The following CCDC7 variants were observed in gnomAD, a reference collection of about 807,000 sequenced individuals.
CCDC7 encodes the protein coiled-coil domain-containing protein 7.
In CCDC7, 183 loss-of-function variants were observed where a neutral mutation model predicts 196.9. That is an observed-to-expected ratio of 0.93 (90% CI 0.82 to 1.05). The LOEUF is 1.05. CCDC7 is among the 50% of genes least tolerant of loss of function. The pLI, the probability that CCDC7 is intolerant of heterozygous loss-of-function variation, is 0.00. For synonymous variants in CCDC7, 525 were observed against 484.6 expected, an observed-to-expected ratio of 1.08 and a Z score of -1.10; for missense variants, 1,540 against 1,482.2, an observed-to-expected ratio of 1.04 and a Z score of -0.64.
At chr10:32,599,823 G>A (rs2060809054) in intron 18 of CCDC7, among the ~76,000 whole-genome samples, 1 of 152,024 alleles carries the variant, frequency 6.6e-6, no homozygotes, top group South Asian at 2.1e-4. Flanking sequence ...CTTTCTTTTT[G>A]TATATGGTAA....
chr10:32,736,479 C>T (rs996103396), intron 28 of CCDC7, among the ~76,000 whole-genome samples: 3 of 151,874 alleles, frequency 2.0e-5, no homozygotes, highest in African/African-American at 4.8e-5. Context: ...CATGCTGGTG[C>T]GCTGCCCCCA....
intron 18 of CCDC7, among the ~76,000 whole-genome samples, chr10:32,632,463 T>C (rs965687287): frequency 6.6e-6 from 1 of 151,414 alleles, no homozygotes; most frequent in South Asian, 2.1e-4. Context: ...CTTTTATTTA[T>C]ATAAATAAAT....
chr10:32,518,527 G>C, intron 11 of CCDC7, 22 bp downstream of exon 12: 1 of 1,592,520 alleles, frequency 6.3e-7, no homozygotes, highest in Non-Finnish European at 8.6e-7. Context: ...TTTAGTGTTT[G>C]AAAATGGCAT....
At chr10:32,601,035 C>G (rs958768615) in intron 18 of CCDC7, among the ~76,000 whole-genome samples, 1 of 152,162 alleles carries the variant, frequency 6.6e-6, no homozygotes, top group Non-Finnish European at 1.5e-5. Flanking sequence ...GATCATCCCA[C>G]TGCCTCTGGC....
At chr10:32,814,489 G>T (rs1471657095) in intron 31 of CCDC7, 36 bp downstream of exon 32, 3 of 1,457,890 alleles carry the variant, frequency 2.1e-6, no homozygotes, top group East Asian at 4.5e-5. Flanking sequence ...AGTATTTCTG[G>T]TTAGTTTATA....
intron 11 of CCDC7, among the ~76,000 whole-genome samples, chr10:32,528,452 G>C (rs1457045051): frequency 6.8e-6 from 1 of 146,828 alleles, no homozygotes; most frequent in African/African-American, 2.5e-5. Context: ...TTATTCTTAT[G>C]CCTTTGCATC....
intron 25 of CCDC7, among the ~76,000 whole-genome samples, chr10:32,723,390 G>A (rs11595230): frequency 0.084 from 12,798 of 152,130 alleles, 574 homozygotes; most frequent in East Asian, 0.16. Flanking sequence ...GTTTAATTGA[G>A]TTCAGTAACC....
intron 11 of CCDC7, among the ~76,000 whole-genome samples, chr10:32,539,961 G>A (rs974937376): frequency 3.3e-5 from 5 of 152,034 alleles, no homozygotes; most frequent in South Asian, 2.1e-4. Flanking sequence ...GTGCTATGTC[G>A]TGATGAGAAG....
chr10:32,870,352 T>C (rs1484795200), intron 41 of CCDC7, among the ~76,000 whole-genome samples: 1 of 152,170 alleles, frequency 6.6e-6, no homozygotes, highest in African/African-American at 2.4e-5. Flanking sequence ...TTTATTCTCT[T>C]TGAAGCAATT....
intron 29 of CCDC7, among the ~76,000 whole-genome samples, chr10:32,791,124 C>G (rs1279490142): frequency 6.6e-6 from 1 of 152,166 alleles, no homozygotes; most frequent in African/African-American, 2.4e-5. Context: ...CCACAGTCAT[C>G]ATTGACATGG....
In CCDC7 at chr10:32,461,750, T is replaced by TAC. The variant is rs1554840788; in HGVS notation, c.457-931_457-930dup. On this transcript the variant is annotated intron_variant, in intron 3 of 41. Transcript: ENST00000639629. ...ATATATGTATATATATATATATATA[T>TAC]ACATATATATATATGCACATATGTA... Among the ~76,000 whole-genome samples the TAC allele has an allele frequency of 2.8e-4, 20 of 71,842 alleles. 1 individual carries two copies. Among genetic ancestry groups the TAC allele is most frequent in the African/African-American group, 1.0e-3 (20 of 19,576 alleles). The allele number at this position is 71,842 out of a possible 152,430, so 47.1% of individuals were successfully genotyped here. A position where few individuals can be genotyped will look rare whatever the true frequency, so the allele number is the denominator to read the frequency against.
At position 32,820,633 on chromosome 10, in the gene CCDC7, A is replaced by T. The variant is rs542030856; in HGVS notation, c.3182-3885A>T. On this transcript the variant is annotated intron_variant, in intron 31 of 41. Transcript: ENST00000639629. The stretch of plus-strand genomic sequence containing the variant: ...CAAAACAGAGATATAGACCAATGGA[A>T]CAGGACATAGCCCTCAGAAATAATG... Among the ~76,000 whole-genome samples the T allele has an allele frequency of 1.8e-3, 280 of 152,330 alleles. 1 individual carries two copies. The highest frequency in any genetic ancestry group is 6.2e-3 in the African/African-American group (259 of 41,566).
chr10:32,655,745 G>A (rs980116), intron 20 of CCDC7, among the ~76,000 whole-genome samples: 140,542 of 152,146 alleles, frequency 0.92, 65,890 homozygotes, highest in East Asian at 1. Flanking sequence ...GGGTTTCACT[G>A]TATGTTGGCC....
At chr10:32,837,015 T>C (rs1219790916) in intron 33 of CCDC7, among the ~76,000 whole-genome samples, 3 of 151,824 alleles carry the variant, frequency 2.0e-5, no homozygotes, top group Admixed American at 6.6e-5. Context: ...TAGGCATGGG[T>C]AAGGACTTCA....
intron 3 of CCDC7, among the ~76,000 whole-genome samples, chr10:32,460,404 T>A (rs2035371784): frequency 6.6e-6 from 1 of 152,210 alleles, no homozygotes; most frequent in South Asian, 2.1e-4. Context: ...CAGTAATTGA[T>A]GCTGTGGGTT....
intron 9 of CCDC7, among the ~76,000 whole-genome samples, chr10:32,494,782 A>T (rs1480838651): frequency 6.6e-6 from 1 of 152,094 alleles, no homozygotes; most frequent in Non-Finnish European, 1.5e-5. Context: ...CATTTGCTTT[A>T]TCCAGTGTAT....
intron 9 of CCDC7, among the ~76,000 whole-genome samples, chr10:32,508,066 T>G (rs2045489995): frequency 6.6e-6 from 1 of 152,160 alleles, no homozygotes; most frequent in Admixed American, 6.5e-5. Context: ...GGTATCCAAA[T>G]CAGAATAGAA....
At position 32,459,415 on chromosome 10, in the gene CCDC7, G is replaced by A. The variant is rs1168484813; in HGVS notation, c.456+3081G>A. Among the ~76,000 whole-genome samples, 5 of 152,030 alleles carry A rather than the reference G, an allele frequency of 3.3e-5. No individual in the cohort carries two copies. The South Asian group carries it at 8.3e-4, about 25-fold the overall frequency. On this transcript the variant is annotated intron_variant, in intron 3 of 41. Coordinates refer to ENST00000639629, the Ensembl canonical transcript of CCDC7. ...CAGTAACACAATTTCTTGGGAATAT[G>A]TCTGCTATGCTCTCTCCAGAACCAC...
At chr10:32,606,368 A>G (rs1282252520) in intron 18 of CCDC7, among the ~76,000 whole-genome samples, 2 of 152,226 alleles carry the variant, frequency 1.3e-5, no homozygotes, top group Admixed American at 6.5e-5. Context: ...GAGGCCCCAC[A>G]CAGAGTCCCC....
Sources: allele counts gnomAD v4.1 joint callset (sites outside exome capture counted in the v4.1 genomes callset), GRCh38; gene constraint gnomAD v4.1.1; transcripts MANE v1.5; gene names NCBI Gene and HGNC (gene_info 2026-07-23, HGNC 2026-07-21).